The following ALPL variants were observed in gnomAD, a reference collection of about 807,000 sequenced individuals.
The protein encoded by ALPL is alkaline phosphatase, biomineralization associated.
A neutral mutation model predicts 51.3 loss-of-function variants in ALPL; 42 were observed. The ratio of observed to expected loss-of-function variants is 0.82; its 90% CI spans 0.64 to 1.06. ALPL has a LOEUF of 1.06. Ranked by LOEUF, ALPL falls within the 50% of genes least tolerant of loss-of-function variation. The pLI is 0.00. For synonymous variants in ALPL, 279 were observed against 296.4 expected, an observed-to-expected ratio of 0.94 and a Z score of 0.60; for missense variants, 589 against 709.4, an observed-to-expected ratio of 0.83 and a Z score of 1.93.
chr1:21,555,905 G>A (rs10218632), intron 2 of ALPL, among the ~76,000 whole-genome samples: 3,344 of 151,854 alleles, frequency 0.022, 118 homozygotes, highest in African/African-American at 0.077. Flanking sequence ...CAAGTAGCTG[G>A]GACTACAGGT....
chr1:21,513,093 G>A (rs1309833175), intron 1 of ALPL, among the ~76,000 whole-genome samples: 2 of 151,544 alleles, frequency 1.3e-5, no homozygotes, highest in South Asian at 2.1e-4. Context: ...TTACTATTTT[G>A]TATTCATCTG....
chr1:21,518,722 T>C (rs879181222), intron 1 of ALPL, among the ~76,000 whole-genome samples: 2 of 152,302 alleles, frequency 1.3e-5, no homozygotes, highest in South Asian at 4.1e-4. Flanking sequence ...AGCTATGAAT[T>C]TGGTTTGGGG....
intron 2 of ALPL, among the ~76,000 whole-genome samples, chr1:21,558,546 G>A (rs1164612393): frequency 2.0e-5 from 3 of 152,254 alleles, no homozygotes; most frequent in Non-Finnish European, 4.4e-5. Context: ...AGCTACGGGT[G>A]TCCCATTTCC....
chr1:21,539,077 T>G (rs1163511853), intron 1 of ALPL, among the ~76,000 whole-genome samples: 1 of 152,252 alleles, frequency 6.6e-6, no homozygotes, highest in Non-Finnish European at 1.5e-5. Context: ...CTGTGTAATG[T>G]ACATATTGCA....
intron 1 of ALPL, among the ~76,000 whole-genome samples, chr1:21,546,322 G>A (rs1644252984): frequency 1.3e-5 from 2 of 152,168 alleles, no homozygotes; most frequent in South Asian, 4.1e-4. Context: ...CACCAAGAGG[G>A]TAAAAGTGTC....
At position 21,563,184 on chromosome 1, in the gene ALPL, T is replaced by A. The variant is rs1644509477; in HGVS notation, c.372T>A (p.Asn124Lys). Residue 124 changes from asparagine (N) to lysine (K), a missense_variant, in exon 5 of 12, where the codon AAT becomes AAA. Physicochemically the swap from Asn to Lys is moderately conservative, Grantham distance 94. Transcript: ENST00000374840. Reference sequence around the variant, plus strand: ...CCTACCTGTGTGGGGTGAAGGCCAATGAGGGCACCGTGGGGGTAAGCGCAG... The same window carrying A: ...CCTACCTGTGTGGGGTGAAGGCCAAAGAGGGCACCGTGGGGGTAAGCGCAG... ...ATAYLCGVKA[N>K]EGTVGVSAAT... 3.1e-6 allele frequency: 5 copies of A among 1,613,814 alleles called. No individual in the cohort carries two copies. Among genetic ancestry groups the A allele is most frequent in the Non-Finnish European group, 4.2e-6 (5 of 1,180,024 alleles).
chr1:21,563,139 C>T lies in ALPL; in HGVS notation c.327C>T (p.Asp109=). 1.2e-6 allele frequency: 2 copies of T among 1,613,774 alleles called. No individual in the cohort carries two copies. Among genetic ancestry groups the T allele is most frequent in the African/African-American group, 2.7e-5 (2 of 75,062 alleles). Residue 109 remains aspartate, a synonymous_variant, in exon 5 of 12, where the codon GAC becomes GAT. Coordinates refer to ENST00000374840, the MANE Select transcript of ALPL (RefSeq NM_000478.6). ...KTYNTNAQVP[D]SAGTATAYLC... ...ACAACACCAATGCCCAGGTCCCTGA[C>T]AGTGCCGGCACCGCCACCGCCTACC...
chr1:21,539,990 G>A (rs1644160966), intron 1 of ALPL, among the ~76,000 whole-genome samples: 1 of 152,118 alleles, frequency 6.6e-6, no homozygotes, highest in Non-Finnish European at 1.5e-5. Flanking sequence ...GTGAGAGCAA[G>A]GATGGGCCGG....
At chr1:21,555,973 A>G (rs559886786) in intron 2 of ALPL, among the ~76,000 whole-genome samples, 9 of 151,632 alleles carry the variant, frequency 5.9e-5, no homozygotes, top group African/African-American at 2.2e-4. Flanking sequence ...GGGTTTCACC[A>G]TGTTAGCCAG....
intron 1 of ALPL, among the ~76,000 whole-genome samples, chr1:21,542,792 T>A (rs1027797518): frequency 6.6e-6 from 1 of 151,992 alleles, no homozygotes; most frequent in African/African-American, 2.4e-5. Context: ...GAGCCGAGAT[T>A]GCGCTACTGC....
rs1644740707 is a variant in ALPL at position 21,576,601 on chromosome 1, G to C, written c.1269G>C (p.Val423=). 2 of 1,613,888 alleles carry C rather than the reference G, an allele frequency of 1.2e-6. No individual in the cohort carries two copies. The highest frequency in any genetic ancestry group is 1.1e-5 in the South Asian group (1 of 91,076). Residue 423 remains valine, a synonymous_variant, in exon 11 of 12, where the codon GTG becomes GTC. Coordinates refer to ENST00000374840, the MANE Select transcript of ALPL (RefSeq NM_000478.6). The part of the protein sequence containing the change: ...ILYGNGPGYK[V]VGGERENVSM... ...ATGGCAATGGGCCTGGCTACAAGGTGGTGGGCGGTGAACGAGAGAATGTCT... is the reference window on the plus strand; with the variant it reads ...ATGGCAATGGGCCTGGCTACAAGGTCGTGGGCGGTGAACGAGAGAATGTCT...
At chr1:21,569,042 T>A (rs2148174048) in intron 7 of ALPL, among the ~76,000 whole-genome samples, 1 of 152,142 alleles carries the variant, frequency 6.6e-6, no homozygotes, top group East Asian at 1.9e-4. Context: ...TTTCTGCAAG[T>A]TCCAGGACTG....
At chr1:21,509,124 G>A (rs1475216142), upstream of ALPL, among the ~76,000 whole-genome samples, 1 of 152,138 alleles carries the variant, frequency 6.6e-6, no homozygotes, top group Admixed American at 6.5e-5. This position sits in a 1 kb window ranked among gnomAD's most constrained non-coding sequence, Gnocchi z 6.0. Flanking sequence ...CAGAGCCCAG[G>A]CTCGCTGAGA....
chr1:21,551,958 T>C (rs1474479471), intron 1 of ALPL, among the ~76,000 whole-genome samples: 3 of 150,262 alleles, frequency 2.0e-5, no homozygotes, highest in Admixed American at 6.6e-5. Flanking sequence ...ATCTCCTGAC[T>C]TCGTGATCCG....
chr1:21,554,176 G>T (rs1367027510), intron 2 of ALPL, 34 bp downstream of exon 2: 5 of 1,607,412 alleles, frequency 3.1e-6, no homozygotes, highest in South Asian at 2.2e-5. Flanking sequence ...GGCATAAAAA[G>T]GTGGTGCAGA....
At chr1:21,565,927 G>A (rs1288135529) in intron 6 of ALPL, among the ~76,000 whole-genome samples, 3 of 152,136 alleles carry the variant, frequency 2.0e-5, no homozygotes, top group Admixed American at 1.3e-4. Flanking sequence ...TAATGAGCCC[G>A]TGTGAAGTCG....
In ALPL at chr1:21,571,687, G is replaced by C. The variant is rs560026488; in HGVS notation, c.862+1313G>C. On this transcript the variant is annotated intron_variant, in intron 8 of 11. Transcript: ENST00000374840. ...ACTCCGTCTAAAAACAAAAAACAAA[G>C]AACAAACACGAAAAAACTTAGGCCA... Among the ~76,000 whole-genome samples, 25 of 141,316 alleles carry C rather than the reference G, an allele frequency of 1.8e-4. No homozygotes were observed. The South Asian group carries it at 5.7e-3, about 32-fold the overall frequency. 92.7% of individuals were successfully genotyped at this position (141,316 alleles called of 152,430 possible).
At chr1:21,553,075 T>TAAAAAA (rs58060846) in intron 1 of ALPL, among the ~76,000 whole-genome samples, 1 of 151,492 alleles carries the variant, frequency 6.6e-6, no homozygotes, top group Admixed American at 6.6e-5. Context: ...TTCAAAAAAA[T>TAAAAAA]AAAGAGGAAA....
At chr1:21,519,346 G>A (rs1376055207) in intron 1 of ALPL, among the ~76,000 whole-genome samples, 2 of 152,332 alleles carry the variant, frequency 1.3e-5, no homozygotes, top group African/African-American at 4.8e-5. Context: ...TGCGGGGCCC[G>A]CGGCCTCTGC....
Sources: gnomAD v4.1 joint callset for allele counts (sites outside exome capture counted in the v4.1 genomes callset) on GRCh38, gnomAD v4.1.1 for gene constraint, Gnocchi (gnomAD v3.1) non-coding constraint, MANE v1.5 for transcripts, NCBI Gene and HGNC (gene_info 2026-07-23, HGNC 2026-07-21) for gene names.